The following LRP1B variants were observed in gnomAD, a reference collection of about 807,000 sequenced individuals.
LRP1B encodes LDL receptor related protein 1B, also known as low-density lipoprotein receptor-related protein 1B.
LRP1B carries 217 observed loss-of-function variants against 556.6 expected under a neutral mutation model. That is an observed-to-expected ratio of 0.39 (90% CI 0.35 to 0.44). LRP1B has a LOEUF of 0.44. LRP1B is among the 20% of genes least tolerant of loss of function. The pLI is 1.00. For missense variants in LRP1B, 5,053 were observed against 5,620.8 expected (o/e 0.90, Z 3.23); for synonymous variants, 2,047 against 1,865.8 (o/e 1.10, Z -2.50).
At chr2:140,390,805 C>CACA (rs1209409886) in intron 66 of LRP1B, among the ~76,000 whole-genome samples, 28 of 142,642 alleles carry the variant, frequency 2.0e-4, no homozygotes, top group Admixed American at 2.0e-3. Context: ...CACACACACA[C>CACA]AACATATTTG....
intron 28 of LRP1B, among the ~76,000 whole-genome samples, chr2:140,850,908 A>G (rs1260560542): frequency 6.6e-6 from 1 of 152,144 alleles, no homozygotes; most frequent in African/African-American, 2.4e-5. Context: ...AAAATATCAG[A>G]GCCAATAGAA....
chr2:141,862,777 C>T (rs996923811), intron 1 of LRP1B, among the ~76,000 whole-genome samples: 2 of 152,148 alleles, frequency 1.3e-5, no homozygotes, highest in Admixed American at 1.3e-4. Flanking sequence ...TAATTTTGAA[C>T]AAACTCAGGT....
intron 86 of LRP1B, among the ~76,000 whole-genome samples, chr2:140,266,617 T>G (rs1378838283): frequency 6.6e-6 from 1 of 152,074 alleles, no homozygotes; most frequent in Non-Finnish European, 1.5e-5. Flanking sequence ...CTCAGCTACC[T>G]TGGCCTTTTA....
At chr2:141,041,192 C>T (rs17588199) in intron 11 of LRP1B, among the ~76,000 whole-genome samples, 7,180 of 152,156 alleles carry the variant, frequency 0.047, 248 homozygotes, top group Non-Finnish European at 0.073. Flanking sequence ...ATAGAACACA[C>T]CTTCATACGT....
chr2:140,303,012 C>CATATATATATAT (rs59878403), intron 83 of LRP1B, among the ~76,000 whole-genome samples: 9 of 82,832 alleles, frequency 1.1e-4, no homozygotes, highest in East Asian at 3.9e-4. Context: ...AAATCTCCTT[C>CATATATATATAT]ATATATATAT....
chr2:140,284,653 C>T (rs1337244534), intron 84 of LRP1B, among the ~76,000 whole-genome samples: 4 of 151,326 alleles, frequency 2.6e-5, no homozygotes, highest in African/African-American at 9.7e-5. Flanking sequence ...TTTCTTCCTT[C>T]TTTCAAGCTA....
At chr2:140,671,390 G>A (rs1033012251) in intron 41 of LRP1B, among the ~76,000 whole-genome samples, 1 of 152,098 alleles carries the variant, frequency 6.6e-6, no homozygotes, top group Non-Finnish European at 1.5e-5. Flanking sequence ...GCATGATGGC[G>A]GGCGCCTGTA....
chr2:140,306,846 G>A (rs978961672), intron 83 of LRP1B, among the ~76,000 whole-genome samples: 1 of 151,840 alleles, frequency 6.6e-6, no homozygotes, highest in South Asian at 2.1e-4. Flanking sequence ...CAGAGATTCT[G>A]GTATGTTGTG....
At chr2:140,466,358 G>C (rs1370777427) in intron 60 of LRP1B, among the ~76,000 whole-genome samples, 1 of 152,008 alleles carries the variant, frequency 6.6e-6, no homozygotes, top group Non-Finnish European at 1.5e-5. Flanking sequence ...CACTGCATGG[G>C]TTATGATTTA....
chr2:140,440,943 T>C (rs1233131544), intron 66 of LRP1B, among the ~76,000 whole-genome samples: 1 of 152,194 alleles, frequency 6.6e-6, no homozygotes, highest in Non-Finnish European at 1.5e-5. Context: ...ATTTGACACA[T>C]CCCAGTTACA....
intron 2 of LRP1B, among the ~76,000 whole-genome samples, chr2:141,672,449 T>A (rs980248725): frequency 6.6e-6 from 1 of 152,188 alleles, no homozygotes; most frequent in African/African-American, 2.4e-5. Context: ...CTATTTCTAG[T>A]CTTCAGAGCT....
intron 41 of LRP1B, among the ~76,000 whole-genome samples, chr2:140,663,772 G>A (rs1274513008): frequency 2.0e-5 from 3 of 152,162 alleles, no homozygotes; most frequent in Non-Finnish European, 4.4e-5. Flanking sequence ...TTGAATTTGC[G>A]ACTTGGCTAA....
intron 18 of LRP1B, among the ~76,000 whole-genome samples, chr2:140,970,372 A>G (rs936594563): frequency 1.3e-5 from 2 of 152,160 alleles, no homozygotes; most frequent in African/African-American, 4.8e-5. Context: ...TTTCAGCTCC[A>G]TCAGGTCATT....
At chr2:141,998,664 C>T (rs1024718670) in intron 1 of LRP1B, among the ~76,000 whole-genome samples, 2 of 152,072 alleles carry the variant, frequency 1.3e-5, no homozygotes, top group African/African-American at 4.8e-5. Flanking sequence ...TGGTTTTACA[C>T]ATTTTAGGGG....
At chr2:141,035,988 T>C (rs1186740148) in intron 11 of LRP1B, among the ~76,000 whole-genome samples, 1 of 152,144 alleles carries the variant, frequency 6.6e-6, no homozygotes. Context: ...TCATGAACTA[T>C]AAACATTCAG....
intron 32 of LRP1B, among the ~76,000 whole-genome samples, chr2:140,809,031 T>G (rs1249509103): frequency 1.3e-5 from 2 of 152,048 alleles, no homozygotes; most frequent in Non-Finnish European, 2.9e-5. Flanking sequence ...GCTGCCTTAA[T>G]TCCATCCTTT....
At chr2:141,103,752 T>A (rs1161697453) in intron 7 of LRP1B, among the ~76,000 whole-genome samples, 5 of 151,542 alleles carry the variant, frequency 3.3e-5, no homozygotes, top group African/African-American at 1.2e-4. Context: ...TAAAAATATT[T>A]ACCAATACAA....
intron 3 of LRP1B, among the ~76,000 whole-genome samples, chr2:141,475,481 G>A (rs1162468877): frequency 6.6e-6 from 1 of 152,072 alleles, no homozygotes; most frequent in African/African-American, 2.4e-5. Flanking sequence ...CTGACAGGAG[G>A]GAGGGAAATC....
At chr2:141,065,519 T>C (rs1237265662) in intron 7 of LRP1B, among the ~76,000 whole-genome samples, 1 of 151,946 alleles carries the variant, frequency 6.6e-6, no homozygotes, top group Admixed American at 6.6e-5. Context: ...TCCTTTGTTG[T>C]TCATGATGTT....
Sources: gnomAD v4.1 joint callset for allele counts (sites outside exome capture counted in the v4.1 genomes callset) on GRCh38, gnomAD v4.1.1 for gene constraint, MANE v1.5 for transcripts, NCBI Gene and HGNC (gene_info 2026-07-23, HGNC 2026-07-21) for gene names.